ORC4: variants seen among roughly 807,000 people sequenced by gnomAD.
ORC4 encodes origin recognition complex subunit 4.
Under a neutral mutation model 63.9 loss-of-function variants are expected in ORC4, and 55 were observed. That is an observed-to-expected ratio of 0.86 (90% CI 0.69 to 1.08). The LOEUF is 1.08. Among genes scored for constraint, ORC4 ranks in the 50% least tolerant of loss-of-function variants. The pLI, the probability that ORC4 is intolerant of heterozygous loss-of-function variation, is 0.00. For synonymous variants in ORC4, 150 were observed against 168.5 expected (o/e 0.89, Z 0.85); for missense variants, 511 against 504.4 (o/e 1.01, Z -0.13).
intron 7 of ORC4, 89 bp from the exon 8 acceptor site, chr2:147,952,613 A>C (rs1184165536): frequency 1.1e-5 from 11 of 1,024,860 alleles, no homozygotes; most frequent in Non-Finnish European, 1.7e-5. Context: ...CAGTTTTTAA[A>C]ACTCAATTCT....
chr2:147,969,873 G>A (rs1690109562), intron 4 of ORC4, among the ~76,000 whole-genome samples: 1 of 151,836 alleles, frequency 6.6e-6, no homozygotes, highest in Non-Finnish European at 1.5e-5. Flanking sequence ...TGCAATAAAA[G>A]AAGAAAAGGA....
intron 11 of ORC4, 88 bp from the exon 12 acceptor site, chr2:147,938,481 T>G (rs1296085638): frequency 1.2e-6 from 1 of 819,890 alleles, no homozygotes; most frequent in African/African-American, 1.7e-5. Flanking sequence ...TAGTGAAAGA[T>G]CTATGGTTCT....
At chr2:147,977,026 C>A (rs916389065) in intron 1 of ORC4, among the ~76,000 whole-genome samples, 2 of 152,176 alleles carry the variant, frequency 1.3e-5, no homozygotes, top group African/African-American at 4.8e-5. Flanking sequence ...TAGACAGTAA[C>A]AGCTTAAGCA....
chr2:147,968,636 T>G (rs962943891), intron 4 of ORC4, among the ~76,000 whole-genome samples: 3 of 151,726 alleles, frequency 2.0e-5, no homozygotes, highest in Non-Finnish European at 4.4e-5. Flanking sequence ...CAAAAAATAA[T>G]AAATGCTGGT....
intron 1 of ORC4, among the ~76,000 whole-genome samples, chr2:147,984,554 C>T (rs1691079479): frequency 6.6e-6 from 1 of 152,102 alleles, no homozygotes; most frequent in Non-Finnish European, 1.5e-5. Context: ...ACCCCTAACC[C>T]TTACATTGTT....
At chr2:147,957,464 G>T (rs941879252) in intron 6 of ORC4, among the ~76,000 whole-genome samples, 1 of 151,784 alleles carries the variant, frequency 6.6e-6, no homozygotes, top group African/African-American at 2.4e-5. Flanking sequence ...TAAGCAGTAT[G>T]AGGCTAGGTA....
At chr2:147,959,045 T>TAA (rs1365432119) in intron 4 of ORC4, among the ~76,000 whole-genome samples, 179 bp from the exon 5 acceptor site, 1 of 152,062 alleles carries the variant, frequency 6.6e-6, no homozygotes, top group Non-Finnish European at 1.5e-5. Context: ...TGACTCTTTT[T>TAA]AAGAAACAAG....
upstream of ORC4, chr2:148,021,481 TTGC>T (rs773118482): frequency 1.3e-4 from 72 of 572,834 alleles, no homozygotes; most frequent in South Asian, 1.4e-4. Context: ...GCTGCTGCTG[TTGC>T]TGCTGCTGCT....
chr2:147,970,528 A>G (rs1235570594), intron 4 of ORC4, among the ~76,000 whole-genome samples: 1 of 151,978 alleles, frequency 6.6e-6, no homozygotes, highest in Non-Finnish European at 1.5e-5. Context: ...ACAGAACCAC[A>G]TAAACATAGT....
At chr2:147,979,412 C>A (rs993275576) in intron 1 of ORC4, among the ~76,000 whole-genome samples, 5 of 151,990 alleles carry the variant, frequency 3.3e-5, no homozygotes, top group Non-Finnish European at 7.4e-5. Context: ...TCACTGAAAA[C>A]TATACAATAT....
Position 147,938,334 on chromosome 2 carries a change from C to T in ORC4, c.1018G>A (p.Glu340Lys). The T allele has an allele frequency of 1.2e-6, 2 of 1,608,362 alleles. No homozygotes were observed. The highest frequency in any genetic ancestry group is 8.5e-7 in the Non-Finnish European group (1 of 1,176,154). Residue 340 changes from glutamate to lysine, a missense_variant, in exon 12 of 14, where the codon GAG becomes AAG. By Grantham distance (56) the Glu-to-Lys change is moderately conservative. Transcript: ENST00000392857. ...IAMKHLNDIYEEEPFNFQMVY... is the reference protein window; with the variant it reads ...IAMKHLNDIYKEEPFNFQMVY... ...ATTTGAAAATTAAATGGCTCTTCCT[C>T]ATAGATGTCATTTAAATGTTTCATT...
chr2:147,948,349 A>G lies in ORC4; in HGVS notation c.589-125T>C, dbSNP rs17231952. The G allele has an allele frequency of 0.014, 8,686 of 617,728 alleles. 80 individuals carry two copies. The highest frequency in any genetic ancestry group is 0.019 in the Non-Finnish European group (6,682 of 353,200). The allele number at this position is 617,728 out of a possible 1,614,324, so 38.3% of individuals were successfully genotyped here. On this transcript the variant is annotated intron_variant, in intron 8 of 13. Transcript: ENST00000392857. ...ATTAGTAATGTTTAGTCTACAATAC[A>G]TAATTAAACATTTAAAACATTTTAT...
intron 1 of ORC4, among the ~76,000 whole-genome samples, chr2:147,989,628 AC>A (rs1347817449): frequency 6.6e-6 from 1 of 151,914 alleles, no homozygotes; most frequent in African/African-American, 2.4e-5. Context: ...AACTGCTTGA[AC>A]CCAGGAGGCG....
intron 1 of ORC4, among the ~76,000 whole-genome samples, chr2:147,995,588 G>A (rs1177879411): frequency 6.6e-6 from 1 of 152,054 alleles, no homozygotes; most frequent in Non-Finnish European, 1.5e-5. Flanking sequence ...TCACCAGGAG[G>A]GTCTGCGGCT....
At chr2:147,961,888 A>G (rs1363971685) in intron 4 of ORC4, among the ~76,000 whole-genome samples, 1 of 152,204 alleles carries the variant, frequency 6.6e-6, no homozygotes, top group African/African-American at 2.4e-5. Context: ...TATAACGTGG[A>G]AGGGAACAAC....
intron 1 of ORC4, among the ~76,000 whole-genome samples, chr2:148,006,701 T>G (rs1207855805): frequency 1.3e-5 from 2 of 152,216 alleles, no homozygotes; most frequent in Non-Finnish European, 2.9e-5. Context: ...CATGATGGGA[T>G]GGACTCAGTC....
At chr2:147,936,258 G>C (rs1424799489) in intron 13 of ORC4, 5 of 154,388 alleles carry the variant, frequency 3.2e-5, no homozygotes, top group African/African-American at 1.2e-4. Flanking sequence ...GAAGGGACAG[G>C]CTCCTGTTTC....
intron 1 of ORC4, among the ~76,000 whole-genome samples, chr2:147,983,467 G>A (rs1358683900): frequency 6.6e-6 from 1 of 152,132 alleles, no homozygotes; most frequent in Non-Finnish European, 1.5e-5. Flanking sequence ...GTTCAACACC[G>A]AAGGCTTTTG....
At chr2:147,946,365 A>T (rs1429206251) in intron 9 of ORC4, among the ~76,000 whole-genome samples, 1 of 152,102 alleles carries the variant, frequency 6.6e-6, no homozygotes, top group Non-Finnish European at 1.5e-5. Context: ...TCTCTAAAAC[A>T]GCCAGAAAAA....
Sources: gnomAD v4.1 joint callset for allele counts (sites outside exome capture counted in the v4.1 genomes callset) on GRCh38, gnomAD v4.1.1 for gene constraint, MANE v1.5 for transcripts, NCBI Gene and HGNC (gene_info 2026-07-23, HGNC 2026-07-21) for gene names.